SEC62: variants seen among roughly 807,000 people sequenced by gnomAD.
The protein encoded by SEC62 is SEC62 preprotein translocation factor, also known as translocation protein SEC62.
In SEC62, 10 loss-of-function variants were observed where a neutral mutation model predicts 47.5. The observed-to-expected ratio is 0.21, with a 90% CI of 0.13 to 0.36. The LOEUF is 0.36. SEC62 is among the 10% of genes least tolerant of loss of function. The pLI, the probability that SEC62 is intolerant of heterozygous loss-of-function variation, is 1.00. For synonymous variants in SEC62, 136 were observed against 150.5 expected, an observed-to-expected ratio of 0.90 and a Z score of 0.71; for missense variants, 327 against 464.1, an observed-to-expected ratio of 0.70 and a Z score of 2.71.
chr3:169,992,661 A>C lies in SEC62; in HGVS notation c.798A>C (p.Pro266=). ...TGGRHHFWFL[P]NLTADVGFID... is the part of the protein sequence containing the mutation. ...GAAGGCACCACTTTTGGTTCTTGCC[A>C]AATCTGACTGCTGATGTGGGCTTCA... Residue 266 remains proline, a synonymous_variant, in exon 8 of 8, where the codon CCA becomes CCC. Transcript: ENST00000337002. This position sits in a 1 kb window ranked among gnomAD's most constrained non-coding sequence, Gnocchi z 4.0. 1 of 1,614,204 alleles carries C rather than the reference A, an allele frequency of 6.2e-7. No homozygotes were observed. The highest frequency in any genetic ancestry group is 1.3e-5 in the African/African-American group (1 of 75,054).
intron 7 of SEC62, among the ~76,000 whole-genome samples, chr3:169,988,873 A>G (rs1715169054): frequency 6.6e-6 from 1 of 152,128 alleles, no homozygotes; most frequent in Non-Finnish European, 1.5e-5. Context: ...ACTTTCAGTA[A>G]AACATTTTTT....
chr3:169,981,450 G>A (rs1714971366), intron 3 of SEC62, among the ~76,000 whole-genome samples: 1 of 152,216 alleles, frequency 6.6e-6, no homozygotes, highest in South Asian at 2.1e-4. Context: ...GTGCTGTGAT[G>A]TGCTGGAGCA....
At chr3:169,974,943 T>C (rs1383830151) in intron 1 of SEC62, among the ~76,000 whole-genome samples, 1 of 152,214 alleles carries the variant, frequency 6.6e-6, no homozygotes, top group Non-Finnish European at 1.5e-5. Context: ...ATACTCACTA[T>C]TAGCAACATC....
Position 169,994,278 on chromosome 3 carries a change from T to C in SEC62, c.*1215T>C, listed in dbSNP as rs969219661. On this transcript the variant is annotated 3_prime_UTR_variant, in exon 8 of 8. Transcript: ENST00000337002. ...GTCTTTGGAAACTCTTGTTTACTTA[T>C]GAGCATAATCATTCCTTGGAGTTAT... is the stretch of plus-strand genomic sequence containing the variant. 6.6e-6 allele frequency: 1 copy of C among 152,654 alleles called. No individual in the cohort carries two copies. Among genetic ancestry groups the C allele is most frequent in the South Asian group, 2.1e-4 (1 of 4,830 alleles). The allele number at this position is 152,654 out of a possible 1,614,324, so 9.5% of individuals were successfully genotyped here. A position where few individuals can be genotyped will look rare whatever the true frequency, so the allele number is the denominator to read the frequency against.
At chr3:169,980,572 C>A (rs1193673645) in intron 3 of SEC62, among the ~76,000 whole-genome samples, 3 of 152,150 alleles carry the variant, frequency 2.0e-5, no homozygotes, top group Non-Finnish European at 4.4e-5. Flanking sequence ...GATGATCCTG[C>A]TGGTTCTATT....
intron 1 of SEC62, chr3:169,969,512 GAAGCCTT>G (rs1714643380): frequency 3.1e-6 from 1 of 327,800 alleles, no homozygotes; most frequent in African/African-American, 2.2e-5. Context: ...GGTTTGTTTG[GAAGCCTT>G]TTTCATAAAT....
intron 5 of SEC62, 87 bp from the exon 6 acceptor site, chr3:169,985,718 T>C: frequency 9.7e-7 from 1 of 1,030,004 alleles, no homozygotes; most frequent in Non-Finnish European, 1.4e-6. Context: ...TGATGACTGC[T>C]TTAAGGGACC....
At position 169,982,922 on chromosome 3, in the gene SEC62, C is replaced by T. The variant is rs778706077; in HGVS notation, c.456+11C>T. On this transcript the variant is annotated intron_variant, in intron 4 of 7. Transcript: ENST00000337002. ...GAAGAATCCAAAAAGGTGAGTTAAT[C>T]TAAAATTAAGTAAAAATTTAAAAAT... 1.9e-6 allele frequency: 3 copies of T among 1,561,534 alleles called. No individual in the cohort carries two copies.
In SEC62 at chr3:169,995,678, A is replaced by C. The variant is rs1478316337; in HGVS notation, c.*2615A>C. 1 of 152,074 alleles carries C rather than the reference A, an allele frequency of 6.6e-6. No individual in the cohort carries two copies. The highest frequency in any genetic ancestry group is 1.5e-5 in the Non-Finnish European group (1 of 68,008). The allele number at this position is 152,074 out of a possible 1,614,324, so 9.4% of individuals were successfully genotyped here. ...AAAACAGCAAGTATGGTTGATTCTC[A>C]TTATTCAAGGTAGTTACGTTCTATA... On this transcript the variant is annotated 3_prime_UTR_variant, in exon 8 of 8. Coordinates refer to ENST00000337002, the MANE Select transcript of SEC62 (RefSeq NM_003262.4).
chr3:169,993,089 A>AT lies in SEC62; in HGVS notation c.*27dup. 6.6e-7 allele frequency: 1 copy of AT among 1,523,018 alleles called. No homozygotes were observed. The highest frequency in any genetic ancestry group is 8.9e-7 in the Non-Finnish European group (1 of 1,128,426). 94.3% of individuals were successfully genotyped at this position (1,523,018 alleles called of 1,614,324 possible). On this transcript the variant is annotated 3_prime_UTR_variant, in exon 8 of 8. Coordinates refer to ENST00000337002, the MANE Select transcript of SEC62 (RefSeq NM_003262.4). The stretch of plus-strand genomic sequence containing the variant: ...TCTGACTAATTTTGGGACTGAATGA[A>AT]TAAGTACAAGAGGTTGGATTTTCTA...
At chr3:169,967,808 TTCA>T (rs1714579686) in intron 1 of SEC62, among the ~76,000 whole-genome samples, 1 of 152,220 alleles carries the variant, frequency 6.6e-6, no homozygotes, top group Non-Finnish European at 1.5e-5. Context: ...AATTGTTACA[TTCA>T]TCATTGCCTT....
chr3:169,982,603 C>G, intron 3 of SEC62, 104 bp from the exon 4 acceptor site: 1 of 1,372,454 alleles, frequency 7.3e-7, no homozygotes, highest in Non-Finnish European at 1.0e-6. Flanking sequence ...TCTTGTGTTG[C>G]TAATTTATGC....
At chr3:169,989,608 G>T (rs1197085041) in intron 7 of SEC62, among the ~76,000 whole-genome samples, 2 of 151,852 alleles carry the variant, frequency 1.3e-5, no homozygotes, top group Non-Finnish European at 2.9e-5. Flanking sequence ...GAAACTCCTT[G>T]GAAATTTTTA....
At chr3:169,979,556 C>A (rs139211819) in intron 3 of SEC62, among the ~76,000 whole-genome samples, 7 of 152,260 alleles carry the variant, frequency 4.6e-5, no homozygotes, top group Non-Finnish European at 1.0e-4. Flanking sequence ...TGTGCACATG[C>A]CACACTCATT....
intron 1 of SEC62, among the ~76,000 whole-genome samples, chr3:169,974,031 C>T (rs1223119496): frequency 6.6e-6 from 1 of 152,152 alleles, no homozygotes; most frequent in African/African-American, 2.4e-5. Flanking sequence ...CTTTATTTTC[C>T]TCAAACATAA....
At chr3:169,982,363 T>G (rs1490767751) in intron 3 of SEC62, among the ~76,000 whole-genome samples, 1 of 152,198 alleles carries the variant, frequency 6.6e-6, no homozygotes, top group Non-Finnish European at 1.5e-5. Context: ...CTCTTGCATT[T>G]GAGACTTAAC....
At chr3:169,987,106 A>T (rs1236749378) in intron 6 of SEC62, among the ~76,000 whole-genome samples, 1 of 152,146 alleles carries the variant, frequency 6.6e-6, no homozygotes, top group Non-Finnish European at 1.5e-5. Flanking sequence ...AGCTTGGTCA[A>T]TATGGTATGA....
At chr3:169,975,456 T>G in intron 1 of SEC62, 152 bp from the exon 2 acceptor site, 1 of 515,344 alleles carries the variant, frequency 1.9e-6, no homozygotes, top group Non-Finnish European at 3.5e-6. Context: ...TTTTTGTCTT[T>G]TGAATACTTT....
In SEC62 at chr3:169,985,707, T is replaced by C. The variant is rs563941390; in HGVS notation, c.550-98T>C. 112 of 823,364 alleles carry C rather than the reference T, an allele frequency of 1.4e-4. No individual in the cohort carries two copies. The African/African-American group carries it at 1.7e-3, about 13-fold the overall frequency. The allele number at this position is 823,364 out of a possible 1,614,324, so 51.0% of individuals were successfully genotyped here. ...AAATTACTTCTCGTATGTTAAGAGG[T>C]TGATGACTGCTTTAAGGGACCTAAA... On this transcript the variant is annotated intron_variant, in intron 5 of 7. Transcript: ENST00000337002.
Sources: gnomAD v4.1 joint callset for allele counts (sites outside exome capture counted in the v4.1 genomes callset) on GRCh38, gnomAD v4.1.1 for gene constraint, Gnocchi (gnomAD v3.1) non-coding constraint, MANE v1.5 for transcripts, NCBI Gene and HGNC (gene_info 2026-07-23, HGNC 2026-07-21) for gene names.